The following DCT variants were observed in gnomAD, a reference collection of about 807,000 sequenced individuals.
The protein encoded by DCT is L-dopachrome tautomerase.
In DCT, 47 loss-of-function variants were observed where a neutral mutation model predicts 53.0. That is an observed-to-expected ratio of 0.89 (90% confidence interval 0.70 to 1.13). The LOEUF is 1.13. DCT is among the 50% of genes most tolerant of loss of function. The probability of loss-of-function intolerance (pLI) is 0.00; values close to 1 mark genes in which losing one functional copy is unlikely to be tolerated. For missense variants in DCT, 669 were observed against 637.4 expected (o/e 1.05, Z -0.53); for synonymous variants, 244 against 237.0 (o/e 1.03, Z -0.27).
chr13:94,450,902 G>A (rs1324900494), intron 6 of DCT, among the ~76,000 whole-genome samples: 1 of 152,046 alleles, frequency 6.6e-6, no homozygotes, highest in Non-Finnish European at 1.5e-5. Flanking sequence ...TGTAAGTTGT[G>A]GTTTGTTATT....
At chr13:94,509,207 T>C in the DCT span, among the ~76,000 whole-genome samples, 4 of 152,286 alleles carry the variant, frequency 2.6e-5, no homozygotes, top group Admixed American at 1.3e-4. Context: ...AGATCTAAAA[T>C]TTGGAAGACT....
the DCT span, among the ~76,000 whole-genome samples, chr13:94,542,537 G>C: frequency 6.6e-6 from 1 of 152,116 alleles, no homozygotes; most frequent in Admixed American, 6.5e-5. Flanking sequence ...CTTCACACAA[G>C]GCCACTGAGG....
intron 1 of DCT, among the ~76,000 whole-genome samples, chr13:94,472,547 TATATATATATATATATA>T (rs1884765002): frequency 6.8e-5 from 2 of 29,282 alleles, no homozygotes; most frequent in African/African-American, 3.0e-4. Flanking sequence ...TATATATATA[TATATATATATATATATA>T]TATATTTTTT....
intron 6 of DCT, among the ~76,000 whole-genome samples, chr13:94,446,218 A>G (rs1037531293): frequency 2.0e-5 from 3 of 152,232 alleles, no homozygotes; most frequent in African/African-American, 7.2e-5. Flanking sequence ...GGTAGGGAAG[A>G]TAATATATAT....
the DCT span, among the ~76,000 whole-genome samples, chr13:94,544,534 T>C: frequency 6.6e-6 from 1 of 152,220 alleles, no homozygotes; most frequent in African/African-American, 2.4e-5. Context: ...GCTCAGCCTG[T>C]CCAGCTTTAT....
At chr13:94,453,860 C>G (rs1328671488) in intron 6 of DCT, among the ~76,000 whole-genome samples, 2 of 152,172 alleles carry the variant, frequency 1.3e-5, no homozygotes, top group Non-Finnish European at 2.9e-5. Context: ...CTCTTTTTCT[C>G]TATAAATTAC....
chr13:94,466,017 T>TATATATAC, intron 3 of DCT, among the ~76,000 whole-genome samples: 1 of 72,352 alleles, frequency 1.4e-5, no homozygotes, highest in African/African-American at 5.1e-5. Context: ...TATATATATA[T>TATATATAC]ATATATACTG....
intron 6 of DCT, among the ~76,000 whole-genome samples, chr13:94,455,998 G>C (rs182547254): frequency 1.3e-5 from 2 of 152,220 alleles, no homozygotes; most frequent in Non-Finnish European, 2.9e-5. Context: ...TGAGAAAGCA[G>C]ACACCAGAAA....
In DCT at chr13:94,443,496, T is replaced by G. The variant is rs760519295; in HGVS notation, c.1321A>C (p.Asn441His). ...NMVPFFPPVT[N>H]EELFLTSDQL... ...TCTGAGGTTAAAAAGAGTTCTTCAT[T>G]AGTCACTGGAGGGAAGAAAGGAACC... Residue 441 changes from asparagine to histidine, a missense_variant, in exon 7 of 8, where the codon AAT (asparagine) becomes CAT (histidine). Coordinates refer to ENST00000377028, the MANE Select transcript of DCT (RefSeq NM_001922.5). 9 of 1,614,062 alleles carry G rather than the reference T, an allele frequency of 5.6e-6. No homozygotes were observed. The highest frequency in any genetic ancestry group is 5.9e-6 in the Non-Finnish European group (7 of 1,179,954).
chr13:94,454,890 G>T (rs1883310480), intron 6 of DCT, among the ~76,000 whole-genome samples: 1 of 152,152 alleles, frequency 6.6e-6, no homozygotes. Context: ...TGCCTTTAAA[G>T]AAACGCTGTG....
At chr13:94,503,435 G>T in the DCT span, among the ~76,000 whole-genome samples, 2 of 136,636 alleles carry the variant, frequency 1.5e-5, no homozygotes, top group Non-Finnish European at 3.1e-5. Flanking sequence ...AAGAAAGAAA[G>T]AAAGAAAAGG....
chr13:94,516,129 C>T, the DCT span, among the ~76,000 whole-genome samples: 3 of 147,954 alleles, frequency 2.0e-5, no homozygotes, highest in Admixed American at 6.9e-5. Context: ...AGCCCTCAGC[C>T]TCATGTTCTC....
the DCT span, among the ~76,000 whole-genome samples, chr13:94,493,410 G>C: frequency 6.6e-6 from 1 of 152,188 alleles, no homozygotes; most frequent in South Asian, 2.1e-4. Flanking sequence ...GGACAGAGTG[G>C]TAGGTATGGC....
At chr13:94,446,980 T>G (rs1882776480) in intron 6 of DCT, among the ~76,000 whole-genome samples, 2 of 152,236 alleles carry the variant, frequency 1.3e-5, no homozygotes. Flanking sequence ...CATTCTGAGT[T>G]ATTAGCTATT....
Position 94,462,145 on chromosome 13 carries a change from T to C in DCT, c.908A>G (p.Tyr303Cys), listed in dbSNP as rs763407563. 37 of 1,613,346 alleles carry C rather than the reference T, an allele frequency of 2.3e-5. No individual in the cohort carries two copies. Among genetic ancestry groups the C allele is most frequent in the Admixed American group, 3.3e-5 (2 of 59,896 alleles). Reference protein sequence around the residue: ...NHLVTLCNGTYEGLLRRNQMG... With the variant: ...NHLVTLCNGTCEGLLRRNQMG... ...TTGATTTCTTCTCAGCAAACCTTCA[T>C]AGGTTCCATTGCACAAGGTGACCAG... Residue 303 changes from tyrosine to cysteine, a missense_variant, in exon 5 of 8, where the codon TAT becomes TGT. Coordinates refer to ENST00000377028, the MANE Select transcript of DCT (RefSeq NM_001922.5).
intron 5 of DCT, among the ~76,000 whole-genome samples, chr13:94,460,636 TGA>T (rs1418308776): frequency 8.5e-5 from 13 of 152,120 alleles, no homozygotes; most frequent in African/African-American, 2.9e-4. Context: ...TCAGCTTGAC[TGA>T]AGGTCCAGCT....
chr13:94,443,520 C>T lies in DCT; in HGVS notation c.1297G>A (p.Val433Ile). The T allele has an allele frequency of 4.3e-6, 7 of 1,613,924 alleles. No individual in the cohort carries two copies. The South Asian group carries it at 5.5e-5, about 13-fold the overall frequency. Residue 433 changes from valine (V) to isoleucine (I), a missense_variant, in exon 7 of 8, where the codon GTT becomes ATT. Transcript: ENST00000377028. ...TTAGTCACTGGAGGGAAGAAAGGAA[C>T]CATGTTGTACATCCGATTGTGACCA... ...PIGHNRMYNMVPFFPPVTNEE... is the reference protein window; with the variant it reads ...PIGHNRMYNMIPFFPPVTNEE...
At chr13:94,456,037 T>C (rs904825469) in intron 6 of DCT, among the ~76,000 whole-genome samples, 19 of 152,202 alleles carry the variant, frequency 1.2e-4, no homozygotes, top group African/African-American at 4.6e-4. Context: ...GCTGAGACGA[T>C]AGCCAGAAAA....
chr13:94,458,376 T>C (rs1883543556), intron 6 of DCT, among the ~76,000 whole-genome samples: 1 of 152,194 alleles, frequency 6.6e-6, no homozygotes, highest in Non-Finnish European at 1.5e-5. Flanking sequence ...AACAGACCAA[T>C]GTATTCAACT....
Sources: gnomAD v4.1 joint callset for allele counts (sites outside exome capture counted in the v4.1 genomes callset) on GRCh38, gnomAD v4.1.1 for gene constraint, MANE v1.5 for transcripts, NCBI Gene and HGNC (gene_info 2026-07-23, HGNC 2026-07-21) for gene names.